Variants in MED12L observed in about 807,000 individuals in gnomAD.
MED12L encodes the protein mediator complex subunit 12L, also known as mediator of RNA polymerase II transcription subunit 12-like protein.
In MED12L, 60 loss-of-function variants were observed where a neutral mutation model predicts 281.3. That is an observed-to-expected ratio of 0.21 (90% CI 0.17 to 0.26). The LOEUF (loss-of-function observed/expected upper bound fraction) is 0.26. Among genes scored for constraint, MED12L ranks in the 10% least tolerant of loss-of-function variants. MED12L has a pLI of 1.00. For missense variants in MED12L, 2,146 were observed against 2,680.9 expected (o/e 0.80, Z 4.41); for synonymous variants, 974 against 987.2 (o/e 0.99, Z 0.25).
At chr3:151,385,713 T>G (rs1463374757) in intron 36 of MED12L, among the ~76,000 whole-genome samples, 3 of 119,048 alleles carry the variant, frequency 2.5e-5, no homozygotes, top group African/African-American at 8.3e-5. Context: ...ACCCTGTCTC[T>G]GGGGGGGGAA....
At chr3:151,363,019 T>C (rs73157991) in intron 21 of MED12L, among the ~76,000 whole-genome samples, 16,945 of 152,114 alleles carry the variant, frequency 0.11, 1,246 homozygotes, top group Middle Eastern at 0.18. Flanking sequence ...ACAGCCCCAG[T>C]AGCCTATTTG....
chr3:151,133,131 A>C (rs2567324), intron 5 of MED12L, among the ~76,000 whole-genome samples: 149,697 of 152,360 alleles, frequency 0.98, 73,551 homozygotes, highest in East Asian at 1. Context: ...GATGATTGTT[A>C]TTAGGATTTG....
intron 32 of MED12L, 117 bp from the exon 33 acceptor site, chr3:151,382,539 T>G (rs1277933170): frequency 3.5e-6 from 2 of 570,870 alleles, no homozygotes; most frequent in Non-Finnish European, 5.9e-6. Flanking sequence ...TTATTTAGCT[T>G]TGTTTGTTAA....
At chr3:151,395,885 G>T (rs1714898541) in intron 39 of MED12L, among the ~76,000 whole-genome samples, 1 of 152,204 alleles carries the variant, frequency 6.6e-6, no homozygotes, top group African/African-American at 2.4e-5. Context: ...TATCTCCGTT[G>T]TGTAATTTAC....
At chr3:151,384,837 A>G (rs1028138298) in intron 35 of MED12L, 193 bp from the exon 36 acceptor site, 1 of 530,258 alleles carries the variant, frequency 1.9e-6, no homozygotes, top group South Asian at 2.4e-5. Flanking sequence ...TCTATTTTCT[A>G]CTTAAATAGA....
intron 16 of MED12L, among the ~76,000 whole-genome samples, chr3:151,245,142 A>G (rs1196164072): frequency 6.6e-6 from 1 of 152,246 alleles, no homozygotes; most frequent in Admixed American, 6.5e-5. Flanking sequence ...TTAGCAACCA[A>G]AAAGAGTCCA....
intron 16 of MED12L, among the ~76,000 whole-genome samples, chr3:151,271,869 A>G (rs375920216): frequency 6.6e-6 from 1 of 152,238 alleles, no homozygotes; most frequent in Non-Finnish European, 1.5e-5. Context: ...CTGTGCCTAG[A>G]AAAGAGAATG....
intron 2 of MED12L, among the ~76,000 whole-genome samples, chr3:151,093,619 A>G (rs1167637074): frequency 6.6e-6 from 1 of 152,216 alleles, no homozygotes; most frequent in Non-Finnish European, 1.5e-5. Flanking sequence ...TTGAAGTTCT[A>G]ATAACAATGG....
chr3:151,366,048 G>A, intron 23 of MED12L, 57 bp downstream of exon 23: 1 of 1,353,140 alleles, frequency 7.4e-7, no homozygotes, highest in South Asian at 2.1e-5. Flanking sequence ...TTAGTTAGTG[G>A]GTAATCTTTT....
intron 16 of MED12L, among the ~76,000 whole-genome samples, chr3:151,267,158 C>A (rs1167377754): frequency 6.6e-6 from 1 of 152,160 alleles, no homozygotes; most frequent in Non-Finnish European, 1.5e-5. Context: ...GAACTATCAA[C>A]TAAACACTTC....
chr3:151,237,499 G>A (rs146128214), intron 16 of MED12L, among the ~76,000 whole-genome samples: 2,275 of 151,322 alleles, frequency 0.015, 28 homozygotes, highest in Middle Eastern at 0.051. Context: ...ACAGGTGCCC[G>A]CCACCATGCC....
chr3:151,353,248 G>A (rs1462156149), intron 17 of MED12L, among the ~76,000 whole-genome samples: 2 of 152,198 alleles, frequency 1.3e-5, no homozygotes, highest in Admixed American at 6.5e-5. Flanking sequence ...AAGGCATTTT[G>A]TGCACAAGAC....
At chr3:151,224,446 CTTT>C (rs80099332) in intron 16 of MED12L, among the ~76,000 whole-genome samples, 1 of 143,150 alleles carries the variant, frequency 7.0e-6, no homozygotes. Context: ...ATGTTTAACA[CTTT>C]TTTTTTTTTT....
At chr3:151,094,364 T>C (rs1454375514) in intron 2 of MED12L, among the ~76,000 whole-genome samples, 1 of 152,130 alleles carries the variant, frequency 6.6e-6, no homozygotes, top group East Asian at 1.9e-4. Context: ...ATGTCAAGTC[T>C]CTTGAGCAGT....
intron 16 of MED12L, among the ~76,000 whole-genome samples, chr3:151,285,222 C>G (rs1052637341): frequency 6.6e-6 from 1 of 152,084 alleles, no homozygotes; most frequent in Non-Finnish European, 1.5e-5. Flanking sequence ...TGGTGGCTCA[C>G]GCCTGTAATC....
intron 5 of MED12L, among the ~76,000 whole-genome samples, chr3:151,139,878 T>C (rs75202328): frequency 0.019 from 2,913 of 152,350 alleles, 71 homozygotes; most frequent in African/African-American, 0.058. Flanking sequence ...TATTGGACTC[T>C]TTAAGACATG....
At chr3:151,279,861 G>A (rs984380938) in intron 16 of MED12L, among the ~76,000 whole-genome samples, 2 of 152,204 alleles carry the variant, frequency 1.3e-5, no homozygotes, top group African/African-American at 4.8e-5. Context: ...AGGAGATGCT[G>A]TTTACTCTGA....
At chr3:151,139,912 C>T (rs1422715586) in intron 5 of MED12L, among the ~76,000 whole-genome samples, 1 of 152,148 alleles carries the variant, frequency 6.6e-6, no homozygotes, top group Non-Finnish European at 1.5e-5. Context: ...TTCATATAAA[C>T]AAAAGTTAGC....
chr3:151,375,247 A>G (rs1756686056), intron 27 of MED12L, among the ~76,000 whole-genome samples: 1 of 152,246 alleles, frequency 6.6e-6, no homozygotes, highest in Non-Finnish European at 1.5e-5. Flanking sequence ...AGGTAATTTT[A>G]GTGGGCAACC....
Sources: allele counts gnomAD v4.1 joint callset (sites outside exome capture counted in the v4.1 genomes callset), GRCh38; gene constraint gnomAD v4.1.1; transcripts MANE v1.5; gene names NCBI Gene and HGNC (gene_info 2026-07-23, HGNC 2026-07-21).